The following FMNL1 variants were observed in gnomAD, a reference collection of about 807,000 sequenced individuals.
FMNL1 encodes formin like 1, also known as formin-like protein 1.
FMNL1 carries 43 observed loss-of-function variants against 121.3 expected under a neutral mutation model. That is an observed-to-expected ratio of 0.35 (90% CI 0.28 to 0.46). FMNL1 has a LOEUF of 0.46. Among genes scored for constraint, FMNL1 ranks in the 20% least tolerant of loss-of-function variants. FMNL1 has a pLI of 1.00. For missense variants in FMNL1, 1,191 were observed against 1,482.4 expected (o/e 0.80, Z 3.23); for synonymous variants, 613 against 613.5 (o/e 1.00, Z 0.01).
At position 45,237,386 on chromosome 17, in the gene FMNL1, G is replaced by T; in HGVS notation, c.800+29G>T. 2 of 1,613,518 alleles carry T rather than the reference G, an allele frequency of 1.2e-6. No homozygotes were observed. The highest frequency in any genetic ancestry group is 1.7e-6 in the Non-Finnish European group (2 of 1,179,468). On this transcript the variant is annotated intron_variant, in intron 8 of 26. Transcript: ENST00000331495. The surrounding 1 kb of genome is among the most constrained non-coding windows in gnomAD (Gnocchi z 4.4). ...AGGTCCAGGCCCCAAACCTTTCTCC[G>T]TATCTAGAGTCTTCTCCTACTTAGC...
At position 45,236,226 on chromosome 17, in the gene FMNL1, C is replaced by T. The variant is rs199632499; in HGVS notation, c.705C>T (p.Arg235=). 68 of 1,613,942 alleles carry T rather than the reference C, an allele frequency of 4.2e-5. No homozygotes were observed. In the East Asian group the frequency reaches 7.6e-4, roughly 18 times the overall value. Residue 235 remains arginine (R), a synonymous_variant, in exon 7 of 27, where the codon CGC becomes CGT. Transcript: ENST00000331495. ...DDVHVCIMCL[R]AIMNYQSGFS... is the part of the protein sequence containing the mutation. ...TCCACGTCTGTATTATGTGCCTACG[C>T]GCCATCATGAACTACCAGGTCAGCC... is the stretch of plus-strand genomic sequence containing the variant.
Position 45,231,063 on chromosome 17 carries a change from A to G in FMNL1, c.213+376A>G, listed in dbSNP as rs2043426423. On this transcript the variant is annotated intron_variant, in intron 2 of 26. Coordinates refer to ENST00000331495, the MANE Select transcript of FMNL1 (RefSeq NM_005892.4). This position sits in a 1 kb window ranked among gnomAD's most constrained non-coding sequence, Gnocchi z 4.7. Reference sequence around the variant, plus strand: ...GGGTTGGACATCTTCACCTGACCCCATGGGAGGGAGGGAGGAAGGGGCGGG... The same window carrying G: ...GGGTTGGACATCTTCACCTGACCCCGTGGGAGGGAGGGAGGAAGGGGCGGG... Among the ~76,000 whole-genome samples the G allele has an allele frequency of 6.6e-6, 1 of 152,034 alleles. No individual in the cohort carries two copies. Among genetic ancestry groups the G allele is most frequent in the Non-Finnish European group, 1.5e-5 (1 of 67,968 alleles).
Position 45,237,176 on chromosome 17 carries a change from C to T in FMNL1, c.724-105C>T. ...TGGCCACAGAAGTTGCGGTTGGATA[C>T]AAAGAACTTCCTAAACTCGAGGGCA... On this transcript the variant is annotated intron_variant, in intron 7 of 26. Coordinates refer to ENST00000331495, the MANE Select transcript of FMNL1 (RefSeq NM_005892.4). This position sits in a 1 kb window ranked among gnomAD's most constrained non-coding sequence, Gnocchi z 4.4. 2 of 1,048,084 alleles carry T rather than the reference C, an allele frequency of 1.9e-6. No homozygotes were observed. The highest frequency in any genetic ancestry group is 2.9e-6 in the Non-Finnish European group (2 of 694,134). 64.9% of individuals were successfully genotyped at this position (1,048,084 alleles called of 1,614,324 possible).
At position 45,229,327 on chromosome 17, in the gene FMNL1, T is replaced by C. The variant is rs78393008; in HGVS notation, c.130-1277T>C. ...CTGGGCCTGACCCAAGGCAGTGATTTTGGGGGTAAGGTCTGGCTGGAGCCC... is the reference window on the plus strand; with the variant it reads ...CTGGGCCTGACCCAAGGCAGTGATTCTGGGGGTAAGGTCTGGCTGGAGCCC... On this transcript the variant is annotated intron_variant, in intron 1 of 26. Transcript: ENST00000331495. Among the ~76,000 whole-genome samples the C allele has an allele frequency of 7.2e-3, 1,098 of 152,228 alleles. 8 individuals are homozygous for C. Among genetic ancestry groups the C allele is most frequent in the South Asian group, 0.011 (52 of 4,832 alleles).
chr17:45,242,270 C>T, intron 15 of FMNL1, 71 bp from the exon 16 acceptor site: 1 of 1,589,984 alleles, frequency 6.3e-7, no homozygotes, highest in Non-Finnish European at 8.6e-7. Flanking sequence ...GCCCCATCAG[C>T]CCTCCCTGGG....
Position 45,238,633 on chromosome 17 carries a change from T to C in FMNL1, c.964T>C (p.Phe322Leu). Residue 322 changes from phenylalanine to leucine, a missense_variant, in exon 10 of 27, where the codon TTC (phenylalanine) becomes CTC (leucine). Around this residue, in one of 4 missense-constraint regions of FMNL1, gnomAD observed 253 missense variants for 417.5 expected, o/e 0.61. Transcript: ENST00000331495. ...CCGGAATGAGGACAGCAACATCGAC[T>C]TCATGGTGAGCTCAGGAGCCCAGCA... ...YFRNEDSNID[F>L]MVACMQFINI... 6.2e-7 allele frequency: 1 copy of C among 1,614,148 alleles called. No individual in the cohort carries two copies. Among genetic ancestry groups the C allele is most frequent in the Non-Finnish European group, 8.5e-7 (1 of 1,180,006 alleles).
chr17:45,231,673 G>T lies in FMNL1; in HGVS notation c.214-694G>T, dbSNP rs1183407516. ...CTGCCTCTTTGTGTGAGTGGCCGCT[G>T]GAGCCTGCAGTGGGGTGGGGGGATT... On this transcript the variant is annotated intron_variant, in intron 2 of 26. Transcript: ENST00000331495. The surrounding 1 kb of genome is among the most constrained non-coding windows in gnomAD (Gnocchi z 4.7). Among the ~76,000 whole-genome samples, 3 of 152,146 alleles carry T rather than the reference G, an allele frequency of 2.0e-5. No homozygotes were observed. The highest frequency in any genetic ancestry group is 4.4e-5 in the Non-Finnish European group (3 of 68,000).
chr17:45,236,832 C>T (rs2043561136), intron 7 of FMNL1, among the ~76,000 whole-genome samples: 1 of 152,168 alleles, frequency 6.6e-6, no homozygotes, highest in South Asian at 2.1e-4. Context: ...TAAAGAGAGG[C>T]CAGGCGTGGT....
chr17:45,226,454 C>G (rs1407906384), intron 1 of FMNL1, among the ~76,000 whole-genome samples: 1 of 152,114 alleles, frequency 6.6e-6, no homozygotes, highest in African/African-American at 2.4e-5. Flanking sequence ...GCAGAAGACC[C>G]CTGGGGGCCA....
chr17:45,229,559 A>G (rs1255975686), intron 1 of FMNL1, among the ~76,000 whole-genome samples: 1 of 152,214 alleles, frequency 6.6e-6, no homozygotes, highest in Non-Finnish European at 1.5e-5. Context: ...GAGGGCAGGA[A>G]CTGTCTTTTT....
chr17:45,226,369 G>A (rs1009064270), intron 1 of FMNL1, among the ~76,000 whole-genome samples: 1 of 152,226 alleles, frequency 6.6e-6, no homozygotes, highest in African/African-American at 2.4e-5. Context: ...AACAGGAAGC[G>A]TGGGGCGCTG....
chr17:45,228,062 T>C (rs2143234305), intron 1 of FMNL1, among the ~76,000 whole-genome samples: 1 of 152,216 alleles, frequency 6.6e-6, no homozygotes, highest in South Asian at 2.1e-4. Context: ...CATCCCATGG[T>C]GCTGCTGCCT....
chr17:45,243,687 G>C (rs2043760211), intron 17 of FMNL1, 104 bp from the exon 18 acceptor site: 1 of 1,142,840 alleles, frequency 8.8e-7, no homozygotes, highest in Non-Finnish European at 1.2e-6. Flanking sequence ...TTGGCAAATA[G>C]AAAATACTGA....
At position 45,241,900 on chromosome 17, in the gene FMNL1, C is replaced by G; in HGVS notation, c.1639C>G (p.Pro547Ala). 7.0e-7 allele frequency: 1 copy of G among 1,420,022 alleles called. No individual in the cohort carries two copies. The highest frequency in any genetic ancestry group is 9.1e-7 in the Non-Finnish European group (1 of 1,095,764). 88.0% of individuals were successfully genotyped at this position (1,420,022 alleles called of 1,614,324 possible). Residue 547 changes from proline (P) to alanine (A), a missense_variant, in exon 15 of 27, where the codon CCA (proline) becomes GCA (alanine). By Grantham distance (27) the Pro-to-Ala change is conservative. Coordinates refer to ENST00000331495, the MANE Select transcript of FMNL1 (RefSeq NM_005892.4). The surrounding 1 kb of genome is among the most constrained non-coding windows in gnomAD (Gnocchi z 7.0). ...APGAAPPPPPPLPGLPSPQEA... is the reference protein window; with the variant it reads ...APGAAPPPPPALPGLPSPQEA... ...CGGAGCAGCGCCACCGCCGCCGCCCCCACTGCCCGGCCTCCCCTCCCCGCA... is the reference window on the plus strand; with the variant it reads ...CGGAGCAGCGCCACCGCCGCCGCCCGCACTGCCCGGCCTCCCCTCCCCGCA...
chr17:45,241,704 C>T lies in FMNL1; in HGVS notation c.1585+70C>T, dbSNP rs115753177. The T allele has an allele frequency of 6.6e-4, 951 of 1,440,538 alleles. 7 individuals carry two copies. The African/African-American group carries it at 0.012, about 19-fold the overall frequency. 89.2% of individuals were successfully genotyped at this position (1,440,538 alleles called of 1,614,324 possible). A position where few individuals can be genotyped will look rare whatever the true frequency, so the allele number is the denominator to read the frequency against. ...GAGGGGAGCCCAGGGGCATCTGTGGCGGGCAGAGTTGGGCGAGGGAGGTTT... is the reference window on the plus strand; with the variant it reads ...GAGGGGAGCCCAGGGGCATCTGTGGTGGGCAGAGTTGGGCGAGGGAGGTTT... On this transcript the variant is annotated intron_variant, in intron 14 of 26. Transcript: ENST00000331495. This position sits in a 1 kb window ranked among gnomAD's most constrained non-coding sequence, Gnocchi z 7.0.
At chr17:45,227,291 G>A (rs1366079565) in intron 1 of FMNL1, among the ~76,000 whole-genome samples, 2 of 152,092 alleles carry the variant, frequency 1.3e-5, no homozygotes, top group African/African-American at 4.8e-5. Flanking sequence ...TGTGGACGCA[G>A]CCCCTTCAGC....
intron 17 of FMNL1, 100 bp downstream of exon 17, chr17:45,243,420 T>C: frequency 7.5e-7 from 1 of 1,339,314 alleles, no homozygotes; most frequent in Non-Finnish European, 1.0e-6. Flanking sequence ...GTGAGCTCTT[T>C]CATCAGGCTT....
chr17:45,232,426 G>C lies in FMNL1; in HGVS notation c.273G>C (p.Val91=). 1.2e-6 allele frequency: 2 copies of C among 1,614,000 alleles called. No homozygotes were observed. Among genetic ancestry groups the C allele is most frequent in the Non-Finnish European group, 1.7e-6 (2 of 1,179,958 alleles). The change falls in exon 3 of 27, where the codon GTG becomes GTC. Residue 91 remains valine, a synonymous_variant. Transcript: ENST00000331495. ...ACATCCAGAAGCTGAAGAGCTATGTGGATACTGGTGGGGTCAGCCGAAAGG... is the reference window on the plus strand; with the variant it reads ...ACATCCAGAAGCTGAAGAGCTATGTCGATACTGGTGGGGTCAGCCGAAAGG... ...AAYIQKLKSY[V]DTGGVSRKVA...
chr17:45,225,397 G>A (rs143657968), intron 1 of FMNL1, among the ~76,000 whole-genome samples: 347 of 152,342 alleles, frequency 2.3e-3, no homozygotes, highest in African/African-American at 7.6e-3. Flanking sequence ...TGGGGACCTG[G>A]AGCCATGGGG....
Sources: allele counts gnomAD v4.1 joint callset (sites outside exome capture counted in the v4.1 genomes callset), GRCh38; gene constraint gnomAD v4.1.1; regional missense constraint gnomAD v4.1.1; non-coding constraint Gnocchi (gnomAD v3.1); transcripts MANE v1.5; gene names NCBI Gene and HGNC (gene_info 2026-07-23, HGNC 2026-07-21).